The following RCHY1 variants were observed in gnomAD, a reference collection of about 807,000 sequenced individuals.
The protein encoded by RCHY1 is RING finger and CHY zinc finger domain-containing protein 1.
A neutral mutation model predicts 41.6 loss-of-function variants in RCHY1; 21 were observed. The ratio of observed to expected loss-of-function variants is 0.51; its 90% CI spans 0.36 to 0.73. RCHY1 has a LOEUF of 0.73. RCHY1 is among the 30% of genes least tolerant of loss of function. The probability of loss-of-function intolerance (pLI) is 0.00; values close to 1 mark genes in which losing one functional copy is unlikely to be tolerated. For missense variants in RCHY1, 265 were observed against 325.3 expected, an observed-to-expected ratio of 0.81 and a Z score of 1.43; for synonymous variants, 79 against 102.9, an observed-to-expected ratio of 0.77 and a Z score of 1.41.
chr4:75,509,303 C>A lies in RCHY1; in HGVS notation c.91-7G>T, dbSNP rs1361059618. 3 of 1,605,618 alleles carry A rather than the reference C, an allele frequency of 1.9e-6. No individual in the cohort carries two copies. Among genetic ancestry groups the A allele is most frequent in the African/African-American group, 2.7e-5 (2 of 74,124 alleles). On this transcript the variant is annotated splice_polypyrimidine_tract_variant and splice_region_variant and intron_variant, in intron 1 of 8. Transcript: ENST00000324439. The stretch of plus-strand genomic sequence containing the variant: ...GCTTGTCACAGCAAGGTGCCTAACA[C>A]CCACGGAGAAAAAAGAGATATAGTA...
chr4:75,503,042 G>C (rs1357407770), intron 3 of RCHY1, among the ~76,000 whole-genome samples: 1 of 151,944 alleles, frequency 6.6e-6, no homozygotes, highest in Non-Finnish European at 1.5e-5. Context: ...AACCATTCTA[G>C]ACTGAAGGTT....
intron 7 of RCHY1, chr4:75,491,016 T>A (rs1722699908): frequency 5.2e-6 from 1 of 191,472 alleles, no homozygotes; most frequent in South Asian, 1.6e-4. Flanking sequence ...CAACCTTAAT[T>A]TCTTAATACA....
intron 4 of RCHY1, among the ~76,000 whole-genome samples, chr4:75,492,982 A>G (rs2148731078): frequency 6.6e-6 from 1 of 152,130 alleles, no homozygotes; most frequent in Non-Finnish European, 1.5e-5. Context: ...TCTGATCATC[A>G]GTGGCATCTC....
intron 3 of RCHY1, among the ~76,000 whole-genome samples, chr4:75,501,411 A>G (rs1723746645): frequency 6.6e-6 from 1 of 152,222 alleles, no homozygotes; most frequent in African/African-American, 2.4e-5. Context: ...TTTGCTTCCA[A>G]TATCTTTTGG....
At chr4:75,483,472 T>C (rs1304310651) in intron 8 of RCHY1, among the ~76,000 whole-genome samples, 2 of 152,150 alleles carry the variant, frequency 1.3e-5, no homozygotes, top group East Asian at 3.8e-4. Flanking sequence ...TGGGTATGAG[T>C]GTTTCCTTTT....
chr4:75,512,914 G>T (rs868134195), intron 1 of RCHY1, among the ~76,000 whole-genome samples: 4 of 124,132 alleles, frequency 3.2e-5, no homozygotes, highest in South Asian at 3.0e-4. Flanking sequence ...GGGGGGGGGG[G>T]GGCGGGGGAA....
Position 75,490,673 on chromosome 4 carries a change from A to G in RCHY1, c.565T>C (p.Ser189Pro), listed in dbSNP as rs1228537996. 4 of 1,609,864 alleles carry G rather than the reference A, an allele frequency of 2.5e-6. No individual in the cohort carries two copies. The African/African-American group carries it at 5.3e-5, about 22-fold the overall frequency. Residue 189 changes from serine (S) to proline (P), a missense_variant, in exon 8 of 9, where the codon TCT becomes CCT. Physicochemically the swap from Ser to Pro is moderately conservative, Grantham distance 74 (BLOSUM62 -1). Transcript: ENST00000324439. ...EGYRCPLCMHSALDMTRYWRQ... is the reference protein window; with the variant it reads ...EGYRCPLCMHPALDMTRYWRQ... The stretch of plus-strand genomic sequence containing the variant: ...CAATACCTGGTCATATCTAAAGCAG[A>G]GTGCATACATAATGGACATCTGTAG...
At chr4:75,513,895 C>T (rs1011116190) in intron 1 of RCHY1, 3 of 250,692 alleles carry the variant, frequency 1.2e-5, no homozygotes, top group Non-Finnish European at 1.5e-5. Context: ...CAGTACAGGC[C>T]CGGGGCTGCC....
At chr4:75,484,021 A>C (rs1163602245) in intron 8 of RCHY1, among the ~76,000 whole-genome samples, 4 of 152,220 alleles carry the variant, frequency 2.6e-5, no homozygotes, top group Non-Finnish European at 4.4e-5. Flanking sequence ...AGCTAATTGC[A>C]ACCAAATAAA....
intron 3 of RCHY1, among the ~76,000 whole-genome samples, chr4:75,496,760 A>C (rs1723246314): frequency 6.6e-6 from 1 of 152,114 alleles, no homozygotes; most frequent in African/African-American, 2.4e-5. Flanking sequence ...AATAAAGCTC[A>C]AGAAGATTTA....
At chr4:75,498,670 T>C (rs1466183626) in intron 3 of RCHY1, among the ~76,000 whole-genome samples, 2 of 151,884 alleles carry the variant, frequency 1.3e-5, no homozygotes, top group Admixed American at 6.6e-5. Flanking sequence ...AGAAAGGTGC[T>C]AAAAATATAC....
intron 2 of RCHY1, 111 bp downstream of exon 2, chr4:75,509,066 T>C: frequency 8.1e-7 from 1 of 1,230,082 alleles, no homozygotes; most frequent in Non-Finnish European, 1.1e-6. Context: ...CCAAAGATAT[T>C]GCTTATTCTA....
At chr4:75,490,491 A>T in intron 8 of RCHY1, 90 bp downstream of exon 8, 1 of 940,484 alleles carries the variant, frequency 1.1e-6, no homozygotes, top group East Asian at 2.5e-5. Flanking sequence ...CAGTATATAT[A>T]TATTTTTTTT....
chr4:75,485,603 C>T (rs1032866531), intron 8 of RCHY1, among the ~76,000 whole-genome samples: 4 of 152,180 alleles, frequency 2.6e-5, no homozygotes, highest in African/African-American at 9.7e-5. Context: ...AAAGTCTTAG[C>T]TGTGTGCTTT....
chr4:75,489,043 C>A (rs1722504381), intron 8 of RCHY1, among the ~76,000 whole-genome samples: 2 of 151,792 alleles, frequency 1.3e-5, no homozygotes, highest in South Asian at 4.2e-4. Context: ...CCACTGCACT[C>A]CAGGCTGCAC....
At chr4:75,492,943 C>G (rs1722883146) in intron 4 of RCHY1, among the ~76,000 whole-genome samples, 1 of 151,996 alleles carries the variant, frequency 6.6e-6, no homozygotes, top group African/African-American at 2.4e-5. Flanking sequence ...CTCACACATA[C>G]ATTTTAACAT....
chr4:75,496,674 T>C (rs1188779519), intron 3 of RCHY1, among the ~76,000 whole-genome samples: 1 of 152,142 alleles, frequency 6.6e-6, no homozygotes, highest in Non-Finnish European at 1.5e-5. Context: ...AGCCCTTCTG[T>C]AGATCTACCT....
In RCHY1 at chr4:75,514,235, GC is replaced by G. The variant is rs1560536343; in HGVS notation, c.51del (p.Gln17HisfsTer13). Reference protein sequence around the residue: ...EDGASGQERGQRGCEHYDRGC... With the variant: ...EDGASGQERGXRGCEHYDRGC... ...CCTCTGTCATAGTGCTCGCAGCCCC[GC>G]TGACCTCGCTCTTGACCGCTGGCGC... On this transcript the variant is annotated frameshift_variant, in exon 1 of 9. Transcript: ENST00000324439. LOFTEE classifies it high-confidence loss of function. 6.2e-7 allele frequency: 1 copy of G among 1,612,806 alleles called. No individual in the cohort carries two copies. The highest frequency in any genetic ancestry group is 2.2e-5 in the East Asian group (1 of 44,854).
chr4:75,484,559 AAAATCACTGGTT>A (rs1343532540), intron 8 of RCHY1, among the ~76,000 whole-genome samples: 1 of 152,128 alleles, frequency 6.6e-6, no homozygotes, highest in African/African-American at 2.4e-5. Context: ...TAAGTAGAGA[AAAATCACTGGTT>A]AAGTTTACCA....
Sources: gnomAD v4.1 joint callset for allele counts (sites outside exome capture counted in the v4.1 genomes callset) on GRCh38, gnomAD v4.1.1 for gene constraint, MANE v1.5 for transcripts, NCBI Gene and HGNC (gene_info 2026-07-23, HGNC 2026-07-21) for gene names.